The following CRTAC1 variants were observed in gnomAD, a reference collection of about 807,000 sequenced individuals.
The protein encoded by CRTAC1 is acidic secreted protein in cartilage.
In CRTAC1, 37 loss-of-function variants were observed where a neutral mutation model predicts 67.8. The observed-to-expected ratio is 0.55, with a 90% CI of 0.42 to 0.72. The LOEUF (loss-of-function observed/expected upper bound fraction) is 0.72, where lower values mean the gene tolerates loss of function less well. CRTAC1 is among the 30% of genes least tolerant of loss of function. The pLI, the probability that CRTAC1 is intolerant of heterozygous loss-of-function variation, is 0.00. For missense variants in CRTAC1, 780 were observed against 931.6 expected, an observed-to-expected ratio of 0.84 and a Z score of 2.12; for synonymous variants, 348 against 371.0, an observed-to-expected ratio of 0.94 and a Z score of 0.71.
chr10:97,915,697 G>C (rs1010031023), intron 5 of CRTAC1, among the ~76,000 whole-genome samples: 3 of 151,678 alleles, frequency 2.0e-5, no homozygotes, highest in Non-Finnish European at 4.4e-5. Flanking sequence ...GACAAGGGGG[G>C]CTACAGGGTA....
intron 6 of CRTAC1, among the ~76,000 whole-genome samples, 187 bp from the exon 7 acceptor site, chr10:97,905,001 T>C (rs891123517): frequency 1.3e-5 from 2 of 152,182 alleles, no homozygotes; most frequent in African/African-American, 4.8e-5. Context: ...GACAGTCATG[T>C]GCTTGAAAAG....
chr10:98,004,353 G>A (rs974233533), intron 2 of CRTAC1, among the ~76,000 whole-genome samples: 3 of 152,160 alleles, frequency 2.0e-5, no homozygotes, highest in African/African-American at 7.2e-5. Flanking sequence ...TTTCCTTCTT[G>A]GGATTGTTAA....
chr10:97,926,009 G>A (rs1443983586), intron 3 of CRTAC1, among the ~76,000 whole-genome samples: 1 of 152,134 alleles, frequency 6.6e-6, no homozygotes, highest in East Asian at 1.9e-4. Flanking sequence ...TGGCCTCAAG[G>A]GTCCTCACCC....
chr10:97,933,703 CAGTCCCTAGAATAGT>C (rs2051037899), intron 3 of CRTAC1, among the ~76,000 whole-genome samples: 1 of 152,238 alleles, frequency 6.6e-6, no homozygotes, highest in Admixed American at 6.5e-5. Context: ...GAAGCATCCT[CAGTCCCTAGAATAGT>C]AGGTGCTCAG....
chr10:97,967,479 G>A (rs1397258799), intron 2 of CRTAC1, among the ~76,000 whole-genome samples: 1 of 152,184 alleles, frequency 6.6e-6, no homozygotes, highest in African/African-American at 2.4e-5. Context: ...CTGGGGGCTA[G>A]GTGTGCTTGT....
chr10:97,985,717 C>T (rs898350642), intron 2 of CRTAC1, among the ~76,000 whole-genome samples: 2 of 152,120 alleles, frequency 1.3e-5, no homozygotes, highest in African/African-American at 2.4e-5. Flanking sequence ...CCAGCCACAG[C>T]CTATGCAGAG....
At chr10:97,992,427 G>A (rs765322127) in intron 2 of CRTAC1, among the ~76,000 whole-genome samples, 2 of 152,152 alleles carry the variant, frequency 1.3e-5, no homozygotes, top group Non-Finnish European at 2.9e-5. Flanking sequence ...ATATGATCAA[G>A]CAATCCCACT....
intron 3 of CRTAC1, among the ~76,000 whole-genome samples, chr10:97,935,798 G>A (rs960248621): frequency 8.5e-5 from 13 of 152,200 alleles, no homozygotes; most frequent in South Asian, 2.1e-4. Flanking sequence ...TTCCGATCAC[G>A]GCATAACCCA....
At chr10:97,957,969 C>A (rs2051467653) in intron 2 of CRTAC1, among the ~76,000 whole-genome samples, 1 of 152,034 alleles carries the variant, frequency 6.6e-6, no homozygotes, top group Non-Finnish European at 1.5e-5. Context: ...CAGGGCTGCA[C>A]AGGGGAAAGT....
In CRTAC1 at chr10:97,966,519, A is replaced by G. The variant is rs376198735; in HGVS notation, c.225-30153T>C. Among the ~76,000 whole-genome samples the G allele has an allele frequency of 1.1e-4, 17 of 152,340 alleles. No individual in the cohort carries two copies. The South Asian group carries it at 2.3e-3, about 20-fold the overall frequency. On this transcript the variant is annotated intron_variant, in intron 2 of 14. Coordinates refer to ENST00000370597, the MANE Select transcript of CRTAC1 (RefSeq NM_018058.7). The stretch of plus-strand genomic sequence containing the variant: ...ACACATGCCCTGCCCAGTTTCCCCT[A>G]TCATTAACATCCTACATTAGTATGT...
At chr10:97,969,072 C>T (rs983113123) in intron 2 of CRTAC1, among the ~76,000 whole-genome samples, 1 of 152,180 alleles carries the variant, frequency 6.6e-6, no homozygotes, top group Non-Finnish European at 1.5e-5. Flanking sequence ...CAAAAGTGCC[C>T]TCATTTGGGT....
chr10:97,887,786 G>C (rs889369807), intron 11 of CRTAC1, among the ~76,000 whole-genome samples: 3 of 152,240 alleles, frequency 2.0e-5, no homozygotes, highest in African/African-American at 7.2e-5. Context: ...TGGAGCAGGA[G>C]TCCTGGCCTG....
At chr10:97,952,192 A>C (rs1449995582) in intron 2 of CRTAC1, among the ~76,000 whole-genome samples, 1 of 151,884 alleles carries the variant, frequency 6.6e-6, no homozygotes, top group South Asian at 2.1e-4. Context: ...CTCTACTAAA[A>C]ATACAAAAAA....
intron 2 of CRTAC1, among the ~76,000 whole-genome samples, chr10:97,973,165 T>A (rs1313695373): frequency 6.6e-6 from 1 of 152,234 alleles, no homozygotes; most frequent in Non-Finnish European, 1.5e-5. Flanking sequence ...CTTGCATTAC[T>A]TTTAGAATCA....
chr10:97,873,327 A>T (rs2050113103), intron 14 of CRTAC1, among the ~76,000 whole-genome samples: 1 of 152,180 alleles, frequency 6.6e-6, no homozygotes, highest in South Asian at 2.1e-4. Context: ...CATGTGAGAC[A>T]CCTTCTGCAG....
intron 4 of CRTAC1, among the ~76,000 whole-genome samples, chr10:97,918,928 C>T (rs931622345): frequency 6.6e-5 from 10 of 151,744 alleles, no homozygotes; most frequent in Non-Finnish European, 7.4e-5. Flanking sequence ...GGATTACAGG[C>T]ACGCACCACC....
Position 97,895,494 on chromosome 10 carries a change from G to C in CRTAC1, c.1318-81C>G, listed in dbSNP as rs978186442. 2 of 1,266,390 alleles carry C rather than the reference G, an allele frequency of 1.6e-6. No individual in the cohort carries two copies. The highest frequency in any genetic ancestry group is 2.4e-5 in the East Asian group (1 of 41,720). The allele number at this position is 1,266,390 out of a possible 1,614,324, so 78.4% of individuals were successfully genotyped here. The stretch of plus-strand genomic sequence containing the variant: ...GAGCAGGGAGCCAGGGAGGACGGGA[G>C]GGGGAGAGGGAGAAGAAGGAGGAAG... On this transcript the variant is annotated intron_variant, in intron 10 of 14. Transcript: ENST00000370597. This position sits in a 1 kb window ranked among gnomAD's most constrained non-coding sequence, Gnocchi z 4.2.
chr10:97,956,555 C>G (rs2051444518), intron 2 of CRTAC1, among the ~76,000 whole-genome samples: 2 of 151,954 alleles, frequency 1.3e-5, no homozygotes, highest in African/African-American at 4.8e-5. Flanking sequence ...TATGCAGTAA[C>G]AGTGATGATT....
intron 2 of CRTAC1, among the ~76,000 whole-genome samples, chr10:97,937,002 C>G (rs544816098): frequency 7.3e-4 from 111 of 152,262 alleles, no homozygotes; most frequent in African/African-American, 2.4e-3. Flanking sequence ...ACAACTCTCT[C>G]GACAAAGTCC....
Sources: gnomAD v4.1 joint callset for allele counts (sites outside exome capture counted in the v4.1 genomes callset) on GRCh38, gnomAD v4.1.1 for gene constraint, Gnocchi (gnomAD v3.1) non-coding constraint, MANE v1.5 for transcripts, NCBI Gene and HGNC (gene_info 2026-07-23, HGNC 2026-07-21) for gene names.